PDE1C: variants seen among roughly 807,000 people sequenced by gnomAD.
PDE1C encodes phosphodiesterase 1C.
PDE1C carries 62 observed loss-of-function variants against 93.1 expected under a neutral mutation model. The ratio of observed to expected loss-of-function variants is 0.67; its 90% confidence interval spans 0.54 to 0.82. The LOEUF (loss-of-function observed/expected upper bound fraction) is 0.82, where lower values mean the gene tolerates loss of function less well. Ranked by LOEUF, PDE1C falls within the 40% of genes least tolerant of loss-of-function variation. The probability of loss-of-function intolerance (pLI) is 0.00; values close to 1 mark genes in which losing one functional copy is unlikely to be tolerated. For missense variants in PDE1C, 742 were observed against 884.6 expected (o/e 0.84, Z 2.04); for synonymous variants, 325 against 310.1 (o/e 1.05, Z -0.50).
chr7:31,706,264 C>T, the PDE1C span, among the ~76,000 whole-genome samples: 1 of 151,856 alleles, frequency 6.6e-6, no homozygotes, highest in African/African-American at 2.4e-5. Flanking sequence ...CTTGGCCTCT[C>T]AAGGTGCTGG....
chr7:32,259,597 T>G (rs2128879766), intron 1 of PDE1C, among the ~76,000 whole-genome samples: 1 of 152,232 alleles, frequency 6.6e-6, no homozygotes, highest in Admixed American at 6.5e-5. Context: ...ATCTCATGGG[T>G]TTCTCACTAC....
chr7:32,146,698 G>A (rs918665712), intron 3 of PDE1C, among the ~76,000 whole-genome samples: 2 of 152,126 alleles, frequency 1.3e-5, no homozygotes, highest in African/African-American at 4.8e-5. Flanking sequence ...AGGAATTATT[G>A]TGCCAACCAC....
At chr7:32,418,678 C>G (rs1785325708) in intron 1 of PDE1C, among the ~76,000 whole-genome samples, 1 of 152,020 alleles carries the variant, frequency 6.6e-6, no homozygotes, top group African/African-American at 2.4e-5. Context: ...CATTTTTTGT[C>G]TCTTGGACCA....
chr7:32,193,892 G>A (rs62456302), intron 2 of PDE1C, among the ~76,000 whole-genome samples: 1 of 148,016 alleles, frequency 6.8e-6, no homozygotes, highest in African/African-American at 2.5e-5. Context: ...TAGTTTATGT[G>A]GTTTTTTTTT....
chr7:32,400,155 T>C (rs1365348392), intron 1 of PDE1C, among the ~76,000 whole-genome samples: 2 of 152,188 alleles, frequency 1.3e-5, no homozygotes, highest in African/African-American at 4.8e-5. Flanking sequence ...CACACCGTAT[T>C]ATTATTAATT....
chr7:31,873,721 G>A (rs74561693), intron 5 of PDE1C, among the ~76,000 whole-genome samples: 2,608 of 152,234 alleles, frequency 0.017, 54 homozygotes, highest in African/African-American at 0.052. Context: ...GATATTAGTC[G>A]CATTTTATGG....
intron 1 of PDE1C, among the ~76,000 whole-genome samples, chr7:32,322,519 A>G (rs1342872074): frequency 6.6e-6 from 1 of 152,150 alleles, no homozygotes; most frequent in Non-Finnish European, 1.5e-5. Context: ...CAGGAGAATC[A>G]CTTGAGCCCA....
the PDE1C span, among the ~76,000 whole-genome samples, chr7:31,714,026 T>C: frequency 1.3e-5 from 2 of 152,242 alleles, no homozygotes. Context: ...TCATTACTTG[T>C]GTAAATTTCT....
At chr7:31,714,746 T>A in the PDE1C span, among the ~76,000 whole-genome samples, 1 of 152,304 alleles carries the variant, frequency 6.6e-6, no homozygotes, top group Admixed American at 6.5e-5. Context: ...TTTATATAAC[T>A]GTCAGATCTC....
intron 7 of PDE1C, among the ~76,000 whole-genome samples, chr7:31,852,202 T>C (rs529961481): frequency 2.6e-5 from 4 of 152,268 alleles, no homozygotes; most frequent in South Asian, 4.1e-4. Context: ...ACAAATGACA[T>C]AGAACTTATG....
At chr7:32,188,955 T>C (rs1804056892) in intron 2 of PDE1C, among the ~76,000 whole-genome samples, 1 of 152,174 alleles carries the variant, frequency 6.6e-6, no homozygotes, top group Non-Finnish European at 1.5e-5. Flanking sequence ...CAGCTAGTTA[T>C]CACAATAAGC....
the PDE1C span, chr7:31,656,497 A>G: frequency 2.0e-6 from 2 of 980,846 alleles, no homozygotes; most frequent in African/African-American, 3.5e-5. Flanking sequence ...AATAAATGCT[A>G]ACTGTAATTA....
intron 2 of PDE1C, among the ~76,000 whole-genome samples, chr7:31,899,512 G>A (rs1799717188): frequency 6.6e-6 from 1 of 152,088 alleles, no homozygotes; most frequent in South Asian, 2.1e-4. Flanking sequence ...AGCTGATAGT[G>A]TAAGCCCCGG....
chr7:31,998,275 T>C (rs761821266), intron 2 of PDE1C, among the ~76,000 whole-genome samples: 2 of 152,138 alleles, frequency 1.3e-5, no homozygotes, highest in African/African-American at 4.8e-5. Context: ...CGCCTTGGCC[T>C]CCCAAAGTGC....
chr7:32,246,454 A>G (rs1256303583), intron 1 of PDE1C, among the ~76,000 whole-genome samples: 1 of 152,156 alleles, frequency 6.6e-6, no homozygotes, highest in East Asian at 1.9e-4. Flanking sequence ...CCAGAAGATC[A>G]GACACTGCCA....
chr7:32,244,726 T>C (rs1808794183), intron 1 of PDE1C, among the ~76,000 whole-genome samples: 1 of 152,146 alleles, frequency 6.6e-6, no homozygotes, highest in South Asian at 2.1e-4. Context: ...GATGTTCCGC[T>C]GTAAAGAAAC....
intron 1 of PDE1C, among the ~76,000 whole-genome samples, chr7:32,366,420 T>C (rs1209857852): frequency 1.3e-5 from 2 of 152,088 alleles, no homozygotes; most frequent in Non-Finnish European, 2.9e-5. Flanking sequence ...ACGAGATTTA[T>C]GGAACACAAT....
chr7:31,841,158 A>G (rs1220014532), intron 9 of PDE1C, among the ~76,000 whole-genome samples: 1 of 150,798 alleles, frequency 6.6e-6, no homozygotes, highest in African/African-American at 2.4e-5. Context: ...TATTGTAAAA[A>G]ATTATTTTAT....
At chr7:31,733,596 A>G in the PDE1C span, among the ~76,000 whole-genome samples, 5 of 152,210 alleles carry the variant, frequency 3.3e-5, no homozygotes, top group African/African-American at 1.2e-4. Flanking sequence ...TGCCATTTAT[A>G]TTCCTGCTGC....
Sources: allele counts gnomAD v4.1 joint callset (sites outside exome capture counted in the v4.1 genomes callset), GRCh38; gene constraint gnomAD v4.1.1; transcripts MANE v1.5; gene names NCBI Gene and HGNC (gene_info 2026-07-23, HGNC 2026-07-21).